The following MTMR7 variants were observed in gnomAD, a reference collection of about 807,000 sequenced individuals.
The protein encoded by MTMR7 is phosphatidylinositol-3-phosphate phosphatase MTMR7.
A neutral mutation model predicts 81.2 loss-of-function variants in MTMR7; 76 were observed. The observed-to-expected ratio is 0.94, with a 90% confidence interval of 0.78 to 1.13. The LOEUF is 1.13. Ranked by LOEUF, MTMR7 falls within the 50% of genes most tolerant of loss-of-function variation. MTMR7 has a pLI of 0.00. For synonymous variants in MTMR7, 372 were observed against 289.8 expected, an observed-to-expected ratio of 1.28 and a Z score of -2.88; for missense variants, 1,044 against 820.0, an observed-to-expected ratio of 1.27 and a Z score of -3.34.
Position 17,319,063 on chromosome 8 carries a change from T to C in MTMR7, c.866-5662A>G, listed in dbSNP as rs76938920. On this transcript the variant is annotated intron_variant, in intron 7 of 13. Transcript: ENST00000180173. ...AATAGGAGGGCCTCCTTGTTTAACT[T>C]AGATTTTAGTATTATGTGAACTGAA... Among the ~76,000 whole-genome samples, 1,465 of 152,328 alleles carry C rather than the reference T, an allele frequency of 9.6e-3. 22 individuals carry two copies. The highest frequency in any genetic ancestry group is 0.04 in the East Asian group (207 of 5,186).
At chr8:17,372,981 C>T in intron 2 of MTMR7, 137 bp downstream of exon 2, 1 of 1,024,636 alleles carries the variant, frequency 9.8e-7, no homozygotes. Flanking sequence ...AGTCCAAACA[C>T]ACATTCCAGA....
intron 1 of MTMR7, among the ~76,000 whole-genome samples, chr8:17,379,886 C>T (rs746776212): frequency 3.9e-5 from 6 of 152,064 alleles, no homozygotes; most frequent in Non-Finnish European, 7.4e-5. Flanking sequence ...TGTCTGAAGG[C>T]ACCGTTTCAT....
chr8:17,301,965 A>G, intron 13 of MTMR7, 189 bp downstream of exon 13: 2 of 622,086 alleles, frequency 3.2e-6, no homozygotes, highest in South Asian at 5.6e-5. Context: ...GATGTGTGAA[A>G]TGCATTAAAT....
At chr8:17,350,000 C>T (rs1352337016) in intron 4 of MTMR7, among the ~76,000 whole-genome samples, 1 of 152,206 alleles carries the variant, frequency 6.6e-6, no homozygotes, top group Admixed American at 6.5e-5. Flanking sequence ...AATCCGGCAA[C>T]ACCCATGGCA....
chr8:17,387,301 G>C (rs913049775), intron 1 of MTMR7, among the ~76,000 whole-genome samples: 12 of 152,122 alleles, frequency 7.9e-5, no homozygotes, highest in African/African-American at 2.7e-4. Context: ...TCAAACTCTG[G>C]ACAGAGCCAG....
intron 8 of MTMR7, 116 bp downstream of exon 8, chr8:17,313,176 T>A (rs1397545054): frequency 1.5e-6 from 1 of 650,802 alleles, no homozygotes; most frequent in East Asian, 2.7e-5. Context: ...CAAAGCTGGC[T>A]ATCCAGTCAG....
intron 1 of MTMR7, among the ~76,000 whole-genome samples, chr8:17,377,513 T>C (rs1820626652): frequency 6.6e-6 from 1 of 152,112 alleles, no homozygotes; most frequent in Non-Finnish European, 1.5e-5. Flanking sequence ...ATTTTTCTTT[T>C]CTACTTTGTT....
intron 5 of MTMR7, among the ~76,000 whole-genome samples, chr8:17,343,476 T>A (rs1184833097): frequency 6.6e-6 from 1 of 151,682 alleles, no homozygotes; most frequent in African/African-American, 2.4e-5. Flanking sequence ...CAGACAATCT[T>A]AGATTCCATC....
At chr8:17,411,067 CTCTGTAAG>C (rs1331907091) in intron 1 of MTMR7, among the ~76,000 whole-genome samples, 3 of 152,164 alleles carry the variant, frequency 2.0e-5, no homozygotes, top group Non-Finnish European at 4.4e-5. Flanking sequence ...ACTCTGCAAG[CTCTGTAAG>C]TAATGTTGTT....
chr8:17,329,044 A>G (rs1056243163), intron 7 of MTMR7, among the ~76,000 whole-genome samples: 3 of 152,224 alleles, frequency 2.0e-5, no homozygotes, highest in African/African-American at 7.2e-5. Flanking sequence ...AACGCAAACA[A>G]TTTTACTTTT....
chr8:17,391,587 C>G (rs117387013), intron 1 of MTMR7, among the ~76,000 whole-genome samples: 1,726 of 152,176 alleles, frequency 0.011, 20 homozygotes, highest in Non-Finnish European at 0.019. Flanking sequence ...ATCCGTTTAG[C>G]TTAAAAGGCA....
At chr8:17,380,606 G>A (rs1466620003) in intron 1 of MTMR7, among the ~76,000 whole-genome samples, 2 of 149,978 alleles carry the variant, frequency 1.3e-5, no homozygotes, top group Non-Finnish European at 3.0e-5. Context: ...TAATTTTCAT[G>A]ATATCCACCA....
At chr8:17,409,357 G>C (rs1411518374) in intron 1 of MTMR7, among the ~76,000 whole-genome samples, 1 of 152,082 alleles carries the variant, frequency 6.6e-6, no homozygotes, top group Non-Finnish European at 1.5e-5. Context: ...CTACTCGGGA[G>C]GCTGAGGCAG....
chr8:17,389,884 A>G (rs1821051155), intron 1 of MTMR7, among the ~76,000 whole-genome samples: 2 of 152,182 alleles, frequency 1.3e-5, no homozygotes, highest in African/African-American at 4.8e-5. Context: ...AAGCTTCGAC[A>G]CCAAGTCACA....
In MTMR7 at chr8:17,379,160, G is replaced by C. The variant is rs147242502; in HGVS notation, c.25-5920C>G. ...AGATGGAGTAAGGCAAGAACTGTAA[G>C]TGGCCCACTACATTCAGGAACATGG... On this transcript the variant is annotated intron_variant, in intron 1 of 13. Coordinates refer to ENST00000180173, the MANE Select transcript of MTMR7 (RefSeq NM_004686.5). Among the ~76,000 whole-genome samples, 48 of 152,244 alleles carry C rather than the reference G, an allele frequency of 3.2e-4. No homozygotes were observed. The East Asian group carries it at 7.4e-3, about 23-fold the overall frequency.
chr8:17,339,318 A>G (rs759449761), intron 6 of MTMR7, among the ~76,000 whole-genome samples: 1 of 152,134 alleles, frequency 6.6e-6, no homozygotes, highest in Non-Finnish European at 1.5e-5. Flanking sequence ...ATACGACTCA[A>G]TGGTGTTTGG....
chr8:17,356,429 G>T (rs1472371447), intron 4 of MTMR7, among the ~76,000 whole-genome samples: 4 of 152,172 alleles, frequency 2.6e-5, no homozygotes, highest in African/African-American at 9.6e-5. Context: ...GTCCAGGCAT[G>T]GTGGCTTGCC....
In MTMR7 at chr8:17,300,036, C is replaced by CAGAGCAGAATCTTCA; in HGVS notation, c.1794_1808dup (p.Glu599_Leu603dup). ...TTTTCAGATTGTCTTGGGTTAGAAT[C>CAGAGCAGAATCTTCA]AGAGCAGAATCTTCATCGCCTTGTG... On this transcript the variant is annotated inframe_insertion, in exon 14 of 14. Coordinates refer to ENST00000180173, the MANE Select transcript of MTMR7 (RefSeq NM_004686.5). 1 of 1,614,138 alleles carries CAGAGCAGAATCTTCA rather than the reference C, an allele frequency of 6.2e-7. No individual in the cohort carries two copies. Among genetic ancestry groups the CAGAGCAGAATCTTCA allele is most frequent in the East Asian group, 2.2e-5 (1 of 44,876 alleles).
At chr8:17,300,817 C>T (rs951092314) in intron 13 of MTMR7, among the ~76,000 whole-genome samples, 1 of 152,226 alleles carries the variant, frequency 6.6e-6, no homozygotes, top group Admixed American at 6.5e-5. Flanking sequence ...CAACTTCTAT[C>T]TCTATGGATT....
Sources: allele counts gnomAD v4.1 joint callset (sites outside exome capture counted in the v4.1 genomes callset), GRCh38; gene constraint gnomAD v4.1.1; transcripts MANE v1.5; gene names NCBI Gene and HGNC (gene_info 2026-07-23, HGNC 2026-07-21).